The following SYMPK variants were observed in gnomAD, a reference collection of about 807,000 sequenced individuals.
SYMPK encodes symplekin scaffold protein, also known as symplekin.
In SYMPK, 49 loss-of-function variants were observed where a neutral mutation model predicts 136.4. The observed-to-expected ratio is 0.36, with a 90% confidence interval of 0.29 to 0.46. SYMPK has a LOEUF of 0.46. Among genes scored for constraint, SYMPK ranks in the 20% least tolerant of loss-of-function variants. The probability of loss-of-function intolerance (pLI) is 1.00; values close to 1 mark genes in which losing one functional copy is unlikely to be tolerated. For synonymous variants in SYMPK, 766 were observed against 713.0 expected, an observed-to-expected ratio of 1.07 and a Z score of -1.19; for missense variants, 1,365 against 1,690.0, an observed-to-expected ratio of 0.81 and a Z score of 3.37.
intron 22 of SYMPK, chr19:45,819,002 AG>A (rs33932647): frequency 2.2e-5 from 3 of 137,098 alleles, no homozygotes; most frequent in African/African-American, 2.5e-5. Flanking sequence ...GGGGTCTCTA[AG>A]GGGGGGGGCG....
intron 17 of SYMPK, 123 bp from the exon 18 acceptor site, chr19:45,825,454 G>A: frequency 8.0e-7 from 1 of 1,249,770 alleles, no homozygotes; most frequent in Non-Finnish European, 1.1e-6. Flanking sequence ...CGGGGCTGGG[G>A]AGCTAATTGT....
chr19:45,856,428 C>T (rs569497363), intron 1 of SYMPK, among the ~76,000 whole-genome samples: 2 of 152,184 alleles, frequency 1.3e-5, no homozygotes, highest in African/African-American at 4.8e-5. Flanking sequence ...CAGTTCAAGC[C>T]ATTTTTGTCA....
chr19:45,858,515 T>G (rs1307184306), intron 1 of SYMPK, among the ~76,000 whole-genome samples: 1 of 152,140 alleles, frequency 6.6e-6, no homozygotes, highest in Non-Finnish European at 1.5e-5. Flanking sequence ...CCCTGACGAC[T>G]ATGTTTCTTT....
intron 5 of SYMPK, among the ~76,000 whole-genome samples, chr19:45,850,383 T>C (rs1166703252): frequency 2.0e-5 from 3 of 152,234 alleles, no homozygotes; most frequent in South Asian, 4.1e-4. Context: ...TTACGAATAA[T>C]GAAGCTGCTC....
At chr19:45,862,732 C>T (rs1972001682) in intron 1 of SYMPK, among the ~76,000 whole-genome samples, 1 of 152,208 alleles carries the variant, frequency 6.6e-6, no homozygotes, top group Non-Finnish European at 1.5e-5. Context: ...GAAGGGACAG[C>T]CTGTGCAAAA....
chr19:45,853,613 C>CAAA (rs113932332), intron 3 of SYMPK, among the ~76,000 whole-genome samples: 23 of 124,372 alleles, frequency 1.8e-4, no homozygotes, highest in African/African-American at 6.4e-4. Flanking sequence ...GACTCTGCCT[C>CAAA]AAAAAAAAAA....
At chr19:45,827,793 C>T (rs1971080206) in intron 15 of SYMPK, 44 bp downstream of exon 15, 5 of 1,587,476 alleles carry the variant, frequency 3.1e-6, no homozygotes, top group Non-Finnish European at 4.3e-6. Context: ...AGGGCAGGGC[C>T]CTGTCCCCTG....
At chr19:45,850,013 C>T (rs562818099) in intron 5 of SYMPK, among the ~76,000 whole-genome samples, 1 of 152,098 alleles carries the variant, frequency 6.6e-6, no homozygotes, top group East Asian at 1.9e-4. Context: ...CCATTGCACT[C>T]CAGCCTGGGC....
At chr19:45,847,611 CTAG>C (rs1971595886) in intron 7 of SYMPK, 138 bp downstream of exon 7, 1 of 1,016,566 alleles carries the variant, frequency 9.8e-7, no homozygotes, top group African/African-American at 1.6e-5. Flanking sequence ...GGATCTGAAC[CTAG>C]CACCAGGGAT....
At chr19:45,858,105 G>A (rs1464988310) in intron 1 of SYMPK, among the ~76,000 whole-genome samples, 1 of 151,902 alleles carries the variant, frequency 6.6e-6, no homozygotes, top group African/African-American at 2.4e-5. Context: ...AGCCGAAAAT[G>A]ACACGTTTTT....
At chr19:45,859,405 C>A (rs1179262002) in intron 1 of SYMPK, among the ~76,000 whole-genome samples, 1 of 151,716 alleles carries the variant, frequency 6.6e-6, no homozygotes, top group African/African-American at 2.4e-5. Context: ...CAAGACCAGC[C>A]TGGCCAACAT....
chr19:45,851,751 G>A (rs1429326191), intron 5 of SYMPK, among the ~76,000 whole-genome samples: 1 of 152,088 alleles, frequency 6.6e-6, no homozygotes, highest in Non-Finnish European at 1.5e-5. Flanking sequence ...GCGCATGCCT[G>A]TAATCCCAGC....
At position 45,821,147 on chromosome 19, in the gene SYMPK, A is replaced by T; in HGVS notation, c.2893+237T>A. On this transcript the variant is annotated intron_variant, in intron 22 of 26. Transcript: ENST00000245934. The surrounding 1 kb of genome is among the most constrained non-coding windows in gnomAD (Gnocchi z 4.4). The stretch of plus-strand genomic sequence containing the variant: ...CACAGCAGGTACATCAGAGGCAGAA[A>T]AAGGTGGGTTGTAAAGGGTAAAACC... The T allele has an allele frequency of 1.6e-6, 1 of 625,172 alleles. No individual in the cohort carries two copies. Among genetic ancestry groups the T allele is most frequent in the Non-Finnish European group, 3.0e-6 (1 of 336,528 alleles). The allele number at this position is 625,172 out of a possible 1,614,324, so 38.7% of individuals were successfully genotyped here.
Position 45,852,557 on chromosome 19 carries a change from G to A in SYMPK, c.172-22C>T, listed in dbSNP as rs565862539. The A allele has an allele frequency of 1.9e-6, 3 of 1,614,062 alleles. No homozygotes were observed. In the South Asian group the frequency reaches 3.3e-5, roughly 18 times the overall value. ...GGACCTGGAAGGAGATTGGGGGTGG[G>A]GAGGAGGAATACCCATATAAAACGA... On this transcript the variant is annotated intron_variant, in intron 3 of 26. Transcript: ENST00000245934.
intron 11 of SYMPK, among the ~76,000 whole-genome samples, chr19:45,831,795 G>C (rs542353190): frequency 1.2e-4 from 18 of 152,270 alleles, no homozygotes; most frequent in African/African-American, 4.3e-4. Flanking sequence ...TTCATTGCTG[G>C]GGGGAGCAGC....
At chr19:45,817,417 C>CTCTTTTTTT (rs1568605965) in intron 23 of SYMPK, among the ~76,000 whole-genome samples, 31 of 108,476 alleles carry the variant, frequency 2.9e-4, no homozygotes, top group African/African-American at 9.6e-4. Flanking sequence ...TTTTTGTTCT[C>CTCTTTTTTT]TTTTTTTTTT....
intron 25 of SYMPK, 33 bp downstream of exon 25, chr19:45,816,449 G>C: frequency 1.3e-6 from 2 of 1,595,492 alleles, no homozygotes; most frequent in African/African-American, 2.7e-5. Flanking sequence ...TGGGAGTCTG[G>C]GGATCCAGAT....
rs947907264 is a variant in SYMPK at position 45,815,908 on chromosome 19, G to C, written c.3630C>G (p.Asp1210Glu). The C allele has an allele frequency of 3.7e-6, 6 of 1,612,296 alleles. No homozygotes were observed. In the African/African-American group the frequency reaches 5.3e-5, roughly 14 times the overall value. Reference sequence around the variant, plus strand: ...ACAGCGCGGCCTCGGTCAGCCCCGAGTCGTCATCCATGCTGATGAAGATGC... The same window carrying C: ...ACAGCGCGGCCTCGGTCAGCCCCGACTCGTCATCCATGCTGATGAAGATGC... ...TPGIFISMDD[D>E]SGLTEAALLD... Residue 1210 changes from aspartate (D) to glutamate (E), a missense_variant, in exon 26 of 27, where the codon GAC (aspartate) becomes GAG (glutamate). Physicochemically the swap from Asp to Glu is conservative, Grantham distance 45 (BLOSUM62 2). This residue lies in a region of SYMPK where 341 missense variants were observed against 270.5 expected (regional missense o/e 1.26). Transcript: ENST00000245934.
chr19:45,829,167 G>A lies in SYMPK; in HGVS notation c.1788C>T (p.Phe596=), dbSNP rs1971114016. 6.2e-7 allele frequency: 1 copy of A among 1,614,132 alleles called. No individual in the cohort carries two copies. The highest frequency in any genetic ancestry group is 8.5e-7 in the Non-Finnish European group (1 of 1,180,014). Residue 596 remains phenylalanine, a synonymous_variant, in exon 14 of 27, where the codon TTC becomes TTT. Coordinates refer to ENST00000245934, the MANE Select transcript of SYMPK (RefSeq NM_004819.3). ...GGACCTCCGCCTTCAGGCCCGAGTT[G>A]AACTGTGTCACCAGGCTGGCCAGGA... is the stretch of plus-strand genomic sequence containing the variant. ...IKILASLVTQ[F]NSGLKAEVLS...
Sources: gnomAD v4.1 joint callset for allele counts (sites outside exome capture counted in the v4.1 genomes callset) on GRCh38, gnomAD v4.1.1 for gene constraint, gnomAD v4.1.1 regional missense constraint, Gnocchi (gnomAD v3.1) non-coding constraint, MANE v1.5 for transcripts, NCBI Gene and HGNC (gene_info 2026-07-23, HGNC 2026-07-21) for gene names.